Variants in DIAPH1 observed in about 807,000 individuals in gnomAD.
DIAPH1 encodes diaphanous related formin 1.
In DIAPH1, 46 loss-of-function variants were observed where a neutral mutation model predicts 140.7. The ratio of observed to expected loss-of-function variants is 0.33; its 90% CI spans 0.26 to 0.42. The LOEUF is 0.42. Among genes scored for constraint, DIAPH1 ranks in the 10% least tolerant of loss-of-function variants. The pLI is 1.00. For synonymous variants in DIAPH1, 565 were observed against 551.6 expected, an observed-to-expected ratio of 1.02 and a Z score of -0.34; for missense variants, 1,310 against 1,558.7, an observed-to-expected ratio of 0.84 and a Z score of 2.69.
intron 18 of DIAPH1, among the ~76,000 whole-genome samples, chr5:141,541,830 CAA>C (rs2099890027): frequency 6.6e-6 from 1 of 151,912 alleles, no homozygotes; most frequent in East Asian, 1.9e-4. Context: ...GTTATGTGAA[CAA>C]AAGTTACGTG....
intron 18 of DIAPH1, among the ~76,000 whole-genome samples, chr5:141,545,246 T>C (rs1174147559): frequency 1.3e-5 from 2 of 152,234 alleles, no homozygotes; most frequent in Non-Finnish European, 1.5e-5. Context: ...TATAATACTG[T>C]ACACATAAAA....
chr5:141,612,694 T>C (rs2099902036), intron 1 of DIAPH1, among the ~76,000 whole-genome samples: 1 of 152,248 alleles, frequency 6.6e-6, no homozygotes, highest in Non-Finnish European at 1.5e-5. Flanking sequence ...TGAAGGTGAC[T>C]GCTATATTCA....
chr5:141,519,149 G>C (rs1353328782), intron 27 of DIAPH1, among the ~76,000 whole-genome samples: 1 of 152,150 alleles, frequency 6.6e-6, no homozygotes, highest in Non-Finnish European at 1.5e-5. Context: ...ACTGAGACAA[G>C]TGAGGAAAAG....
intron 18 of DIAPH1, among the ~76,000 whole-genome samples, chr5:141,548,730 C>A (rs764940071): frequency 6.6e-6 from 1 of 151,966 alleles, no homozygotes; most frequent in African/African-American, 2.4e-5. Context: ...CACCTAAGCC[C>A]GAGGAGGCTG....
At chr5:141,585,146 G>A (rs193252238) in intron 3 of DIAPH1, among the ~76,000 whole-genome samples, 7 of 152,148 alleles carry the variant, frequency 4.6e-5, no homozygotes, top group South Asian at 2.1e-4. Context: ...TAGTAGAGAC[G>A]GGGTTTCACC....
At chr5:141,584,920 CA>C (rs1315279043) in intron 3 of DIAPH1, among the ~76,000 whole-genome samples, 3 of 151,414 alleles carry the variant, frequency 2.0e-5, no homozygotes, top group African/African-American at 7.3e-5. Context: ...CTGCAAGCAG[CA>C]AAATTAATCT....
chr5:141,572,059 T>A lies in DIAPH1; in HGVS notation c.2359-19A>T, dbSNP rs746608925. The A allele has an allele frequency of 4.7e-5, 74 of 1,561,864 alleles. No homozygotes were observed. Among genetic ancestry groups the A allele is most frequent in the Non-Finnish European group, 5.7e-5 (65 of 1,132,572 alleles). Reference sequence around the variant, plus strand: ...CCACAAGCTGTGGATAAAGGCAGGGTGTTAAGAATTAGTAAACTGAGCCCT... The same window carrying A: ...CCACAAGCTGTGGATAAAGGCAGGGAGTTAAGAATTAGTAAACTGAGCCCT... On this transcript the variant is annotated intron_variant, in intron 16 of 27. Coordinates refer to ENST00000389054, the MANE Select transcript of DIAPH1 (RefSeq NM_005219.5).
intron 1 of DIAPH1, among the ~76,000 whole-genome samples, chr5:141,598,727 G>C (rs1015446836): frequency 6.6e-6 from 1 of 152,010 alleles, no homozygotes; most frequent in Non-Finnish European, 1.5e-5. Flanking sequence ...AAGACCCCAA[G>C]GTATTTATTC....
At chr5:141,525,545 G>A (rs560825807) in intron 26 of DIAPH1, among the ~76,000 whole-genome samples, 74 of 152,252 alleles carry the variant, frequency 4.9e-4, no homozygotes, top group African/African-American at 1.7e-3. Context: ...CTCCCCACCC[G>A]CTCCAAAAGT....
At position 141,528,543 on chromosome 5, in the gene DIAPH1, A is replaced by G. The variant is rs1255354659; in HGVS notation, c.3058T>C (p.Leu1020=). 2 of 1,614,206 alleles carry G rather than the reference A, an allele frequency of 1.2e-6. No individual in the cohort carries two copies. The highest frequency in any genetic ancestry group is 4.5e-5 in the East Asian group (2 of 44,870). The part of the protein sequence containing the change: ...TKSTDQKMTL[L]HFLAELCEND... ...TCACACAACTCAGCCAAGAAGTGTA[A>G]CAACGTCATCTTCTGATCTGTGGAC... Residue 1020 remains leucine, a synonymous_variant, in exon 23 of 28, where the codon TTA becomes CTA. Coordinates refer to ENST00000389054, the MANE Select transcript of DIAPH1 (RefSeq NM_005219.5).
At chr5:141,534,265 T>G in intron 19 of DIAPH1, 70 bp downstream of exon 19, 1 of 1,235,106 alleles carries the variant, frequency 8.1e-7, no homozygotes, top group South Asian at 1.2e-5. Flanking sequence ...GGACCATAGA[T>G]TCAAGAGAAT....
At chr5:141,606,018 A>T (rs115238244) in intron 1 of DIAPH1, among the ~76,000 whole-genome samples, 9 of 152,222 alleles carry the variant, frequency 5.9e-5, no homozygotes, top group Admixed American at 3.3e-4. Context: ...CATCTTTCAC[A>T]AAAACTAAGA....
Position 141,573,720 on chromosome 5 carries a change from T to C in DIAPH1, c.2130A>G (p.Glu710=). The change falls in exon 16 of 28, where the codon GAA becomes GAG. Residue 710 remains glutamate (E), a synonymous_variant. Transcript: ENST00000389054. Reference sequence around the variant, plus strand: ...GGGGAGGAGGAGGTGGCATTCCTGCTTCTCCAGGCAAGGGAGGAGGTGGGG... The same window carrying C: ...GGGGAGGAGGAGGTGGCATTCCTGCCTCTCCAGGCAAGGGAGGAGGTGGGG... The part of the protein sequence containing the change: ...IPPPPPPLPG[E]AGMPPPPPPL... 6.9e-7 allele frequency: 1 copy of C among 1,447,732 alleles called. No homozygotes were observed. The highest frequency in any genetic ancestry group is 9.3e-7 in the Non-Finnish European group (1 of 1,080,990). 89.7% of individuals were successfully genotyped at this position (1,447,732 alleles called of 1,614,324 possible).
At position 141,529,497 on chromosome 5, in the gene DIAPH1, A is replaced by T. The variant is rs939984266; in HGVS notation, c.2676+106T>A. ...AGGCAGTTTCTCAAAGCCAGCATTC[A>T]TAAGTCAGCAATGCTGGAGGAGGAT... On this transcript the variant is annotated intron_variant, in intron 20 of 27. Transcript: ENST00000389054. The T allele has an allele frequency of 8.4e-6, 9 of 1,075,144 alleles. No individual in the cohort carries two copies. In the African/African-American group the frequency reaches 1.1e-4, roughly 13 times the overall value. The allele number at this position is 1,075,144 out of a possible 1,614,324, so 66.6% of individuals were successfully genotyped here. A position where few individuals can be genotyped will look rare whatever the true frequency, so the allele number is the denominator to read the frequency against.
At chr5:141,525,380 G>A (rs2099887171) in intron 26 of DIAPH1, among the ~76,000 whole-genome samples, 1 of 152,038 alleles carries the variant, frequency 6.6e-6, no homozygotes, top group Admixed American at 6.6e-5. Context: ...GCTGCCCACA[G>A]AGAGAGCAGT....
intron 1 of DIAPH1, among the ~76,000 whole-genome samples, chr5:141,597,678 A>G (rs564068507): frequency 1.3e-5 from 2 of 152,194 alleles, no homozygotes; most frequent in Non-Finnish European, 2.9e-5. Context: ...ATGAGACTTG[A>G]GCCAGACCCT....
intron 1 of DIAPH1, among the ~76,000 whole-genome samples, chr5:141,606,584 G>A (rs1382554789): frequency 6.6e-6 from 1 of 151,936 alleles, no homozygotes; most frequent in African/African-American, 2.4e-5. Flanking sequence ...TAGTAGAGAC[G>A]GGGTTTCACC....
chr5:141,524,584 A>T (rs937829492), intron 26 of DIAPH1: 1 of 365,286 alleles, frequency 2.7e-6, no homozygotes, highest in African/African-American at 2.1e-5. Flanking sequence ...TTACTAAGCA[A>T]CTATATCACT....
In DIAPH1 at chr5:141,516,849, C is replaced by T. The variant is rs577050340; in HGVS notation, c.*2G>A. The T allele has an allele frequency of 6.2e-7, 1 of 1,614,096 alleles. No individual in the cohort carries two copies. The highest frequency in any genetic ancestry group is 1.3e-5 in the African/African-American group (1 of 75,074). Reference sequence around the variant, plus strand: ...GGAGCTGCCGCGGTCACAGGACCCACATTAGCTTGCACGGCCAACCAACTC... The same window carrying T: ...GGAGCTGCCGCGGTCACAGGACCCATATTAGCTTGCACGGCCAACCAACTC... On this transcript the variant is annotated 3_prime_UTR_variant, in exon 28 of 28. Transcript: ENST00000389054.
Sources: allele counts gnomAD v4.1 joint callset (sites outside exome capture counted in the v4.1 genomes callset), GRCh38; gene constraint gnomAD v4.1.1; transcripts MANE v1.5; gene names NCBI Gene and HGNC (gene_info 2026-07-23, HGNC 2026-07-21).